Variants in CDH8 observed in about 807,000 individuals in gnomAD.
CDH8 encodes the protein cadherin 8.
A neutral mutation model predicts 68.1 loss-of-function variants in CDH8; 17 were observed. The observed-to-expected ratio is 0.25, with a 90% CI of 0.17 to 0.37. The LOEUF (loss-of-function observed/expected upper bound fraction) is 0.37, where lower values mean the gene tolerates loss of function less well. Among genes scored for constraint, CDH8 ranks in the 10% least tolerant of loss-of-function variants. The pLI is 1.00. For missense variants in CDH8, 763 were observed against 999.3 expected, an observed-to-expected ratio of 0.76 and a Z score of 3.19; for synonymous variants, 372 against 365.1, an observed-to-expected ratio of 1.02 and a Z score of -0.21.
At chr16:61,909,394 C>T (rs577705126) in intron 2 of CDH8, among the ~76,000 whole-genome samples, 4 of 152,308 alleles carry the variant, frequency 2.6e-5, no homozygotes, top group African/African-American at 9.6e-5. Flanking sequence ...TTATTCATCA[C>T]TATACCAAAC....
intron 7 of CDH8, among the ~76,000 whole-genome samples, chr16:61,808,911 C>T (rs544336161): frequency 3.9e-5 from 6 of 152,220 alleles, no homozygotes; most frequent in Admixed American, 6.5e-5. Flanking sequence ...CTAGACCAGG[C>T]GCAGTGGCTA....
chr16:61,743,023 C>T (rs777003196), intron 8 of CDH8: 1 of 152,176 alleles, frequency 6.6e-6, no homozygotes, highest in Non-Finnish European at 1.5e-5. Flanking sequence ...TATCACAATA[C>T]ATTTTAAAAG....
intron 2 of CDH8, among the ~76,000 whole-genome samples, chr16:61,992,077 T>TGTGTGTGAGAGA (rs34925928): frequency 0.011 from 1,530 of 144,184 alleles, 33 homozygotes; most frequent in African/African-American, 0.038. Flanking sequence ...TGTGTGTGTG[T>TGTGTGTGAGAGA]GAGAGAGAGA....
intron 7 of CDH8, among the ~76,000 whole-genome samples, chr16:61,815,192 A>T (rs529491553): frequency 6.6e-6 from 1 of 152,312 alleles, no homozygotes; most frequent in East Asian, 1.9e-4. Context: ...AATCCCCTTT[A>T]GCTTTCCTGA....
chr16:61,669,360 C>G (rs1303433603), intron 10 of CDH8, among the ~76,000 whole-genome samples: 1 of 152,028 alleles, frequency 6.6e-6, no homozygotes, highest in African/African-American at 2.4e-5. Context: ...ACACATCCCA[C>G]CCAGCATGCC....
At chr16:61,768,891 C>T (rs1010022312) in intron 8 of CDH8, among the ~76,000 whole-genome samples, 5 of 151,760 alleles carry the variant, frequency 3.3e-5, no homozygotes, top group Admixed American at 1.3e-4. Flanking sequence ...CTTTCTAAGG[C>T]ATCAGTTCTC....
intron 9 of CDH8, among the ~76,000 whole-genome samples, chr16:61,715,029 AGCTATGGG>A (rs1376649569): frequency 2.6e-5 from 4 of 151,758 alleles, no homozygotes; most frequent in African/African-American, 9.6e-5. Context: ...AACTTTTAGC[AGCTATGGG>A]GCTTTGCATT....
intron 2 of CDH8, among the ~76,000 whole-genome samples, chr16:62,011,402 C>T (rs982813838): frequency 2.6e-5 from 4 of 152,204 alleles, no homozygotes; most frequent in Non-Finnish European, 4.4e-5. Flanking sequence ...CCCATCAGCC[C>T]ACCATGTTCA....
At chr16:61,990,887 A>C (rs78137342) in intron 2 of CDH8, among the ~76,000 whole-genome samples, 1 of 151,092 alleles carries the variant, frequency 6.6e-6, no homozygotes. Flanking sequence ...GAAGGAAAGA[A>C]GGAAGGAGAA....
Position 61,890,638 on chromosome 16 carries a change from G to T in CDH8, c.547+10541C>A, listed in dbSNP as rs190843064. 1.0e-3 allele frequency among the ~76,000 whole-genome samples: 157 copies of T among 152,132 alleles called. 1 individual carries two copies. The highest frequency in any genetic ancestry group is 3.6e-3 in the African/African-American group (150 of 41,516). On this transcript the variant is annotated intron_variant, in intron 3 of 11. Transcript: ENST00000577390. Reference sequence around the variant, plus strand: ...TTTGTTCCAGTAGGTTCAAATTTCAGGCCTTTTTGTAATTCCTTCAAATAT... The same window carrying T: ...TTTGTTCCAGTAGGTTCAAATTTCATGCCTTTTTGTAATTCCTTCAAATAT...
At chr16:61,788,542 A>C (rs1961294429) in intron 8 of CDH8, among the ~76,000 whole-genome samples, 1 of 152,092 alleles carries the variant, frequency 6.6e-6, no homozygotes, top group Non-Finnish European at 1.5e-5. Flanking sequence ...AATAAAATGG[A>C]CATCCTCTCC....
chr16:61,866,046 T>C (rs2143021372), intron 3 of CDH8, among the ~76,000 whole-genome samples: 1 of 152,144 alleles, frequency 6.6e-6, no homozygotes, highest in East Asian at 1.9e-4. Context: ...GGCCAAACTC[T>C]GTCTCTACAA....
At chr16:61,793,383 T>C (rs1424767453) in intron 7 of CDH8, among the ~76,000 whole-genome samples, 1 of 151,956 alleles carries the variant, frequency 6.6e-6, no homozygotes, top group Non-Finnish European at 1.5e-5. Context: ...TATCCATTAG[T>C]TATTTTTTCT....
intron 10 of CDH8, among the ~76,000 whole-genome samples, chr16:61,661,366 A>G (rs995183657): frequency 4.0e-5 from 6 of 151,878 alleles, no homozygotes; most frequent in Admixed American, 2.6e-4. Context: ...ACCTCAATAC[A>G]TGATAGAATG....
At chr16:61,813,241 T>C (rs1374255055) in intron 7 of CDH8, among the ~76,000 whole-genome samples, 6 of 152,158 alleles carry the variant, frequency 3.9e-5, no homozygotes, top group Non-Finnish European at 1.5e-5. Context: ...TCCTAAAGCT[T>C]ATAGGCCCAG....
intron 2 of CDH8, among the ~76,000 whole-genome samples, chr16:61,940,076 A>C (rs867525691): frequency 6.6e-6 from 1 of 152,240 alleles, no homozygotes; most frequent in Non-Finnish European, 1.5e-5. Flanking sequence ...CATCAAAAAT[A>C]ATCAATATCA....
In CDH8 at chr16:62,021,002, G is replaced by A. The variant is rs1902060480; in HGVS notation, c.252+150C>T. The stretch of plus-strand genomic sequence containing the variant: ...TAAAACTGTTACCTTGGGATTAATC[G>A]TATTCCTAACAGAACGACAGGTAAA... On this transcript the variant is annotated intron_variant, in intron 2 of 11. Coordinates refer to ENST00000577390, the MANE Select transcript of CDH8 (RefSeq NM_001796.5). The A allele has an allele frequency of 1.2e-5, 8 of 691,272 alleles. No homozygotes were observed. In the South Asian group the frequency reaches 1.4e-4, roughly 12 times the overall value. 42.8% of individuals were successfully genotyped at this position (691,272 alleles called of 1,614,324 possible).
intron 4 of CDH8, among the ~76,000 whole-genome samples, chr16:61,839,412 A>G (rs1200287580): frequency 6.6e-6 from 1 of 152,224 alleles, no homozygotes; most frequent in Admixed American, 6.5e-5. Flanking sequence ...AAAGTATAAA[A>G]TAAGCCTGAA....
At position 61,655,890 on chromosome 16, in the gene CDH8, T is replaced by C. The variant is rs2142739938; in HGVS notation, c.1655-169A>G. Among the ~76,000 whole-genome samples, 2 of 151,134 alleles carry C rather than the reference T, an allele frequency of 1.3e-5. 1 individual carries two copies. Among genetic ancestry groups the C allele is most frequent in the South Asian group, 4.2e-4 (2 of 4,752 alleles). ...TCTCCGCACTTTTTTTTTTTTTTTT[T>C]GAGACGGAGTCTCGCTGTGTCACCC... is the stretch of plus-strand genomic sequence containing the variant. On this transcript the variant is annotated intron_variant, in intron 10 of 11. Transcript: ENST00000577390.
Sources: allele counts gnomAD v4.1 joint callset (sites outside exome capture counted in the v4.1 genomes callset), GRCh38; gene constraint gnomAD v4.1.1; transcripts MANE v1.5; gene names NCBI Gene and HGNC (gene_info 2026-07-23, HGNC 2026-07-21).